The following RAPGEF6 variants were observed in gnomAD, a reference collection of about 807,000 sequenced individuals.
The protein encoded by RAPGEF6 is PDZ domain containing guanine nucleotide exchange factor (GEF) 2.
In RAPGEF6, 56 loss-of-function variants were observed where a neutral mutation model predicts 171.4. That is an observed-to-expected ratio of 0.33 (90% CI 0.26 to 0.41). The LOEUF is 0.41. Among genes scored for constraint, RAPGEF6 ranks in the 10% least tolerant of loss-of-function variants. The probability of loss-of-function intolerance (pLI) is 1.00; values close to 1 mark genes in which losing one functional copy is unlikely to be tolerated. For missense variants in RAPGEF6, 1,674 were observed against 1,921.4 expected (o/e 0.87, Z 2.41); for synonymous variants, 692 against 650.1 (o/e 1.06, Z -0.98).
At chr5:131,570,932 T>A (rs1762240770) in intron 4 of RAPGEF6, among the ~76,000 whole-genome samples, 1 of 147,782 alleles carries the variant, frequency 6.8e-6, no homozygotes, top group African/African-American at 2.5e-5. Flanking sequence ...CACGTCTTCA[T>A]CCCCAACTAC....
chr5:131,596,416 A>C, intron 3 of RAPGEF6, among the ~76,000 whole-genome samples: 1 of 151,068 alleles, frequency 6.6e-6, no homozygotes. Flanking sequence ...ACACACCCCA[A>C]ACACTGGAGT....
chr5:131,565,954 T>TGC (rs1487667683), intron 4 of RAPGEF6, among the ~76,000 whole-genome samples: 1 of 152,102 alleles, frequency 6.6e-6, no homozygotes, highest in Non-Finnish European at 1.5e-5. Flanking sequence ...AAGACCAGCC[T>TGC]GTCCAACATG....
chr5:131,594,952 TC>T (rs1337254617), intron 3 of RAPGEF6, among the ~76,000 whole-genome samples: 1 of 152,206 alleles, frequency 6.6e-6, no homozygotes, highest in African/African-American at 2.4e-5. Flanking sequence ...GGAAGGGACT[TC>T]CCATGTCTCA....
intron 4 of RAPGEF6, among the ~76,000 whole-genome samples, chr5:131,568,291 T>A (rs903245847): frequency 1.3e-5 from 2 of 152,018 alleles, no homozygotes; most frequent in African/African-American, 4.8e-5. Context: ...TTGTTTAGTA[T>A]CCCATTTTAA....
intron 4 of RAPGEF6, among the ~76,000 whole-genome samples, chr5:131,577,896 C>T (rs995621861): frequency 1.3e-5 from 2 of 152,172 alleles, no homozygotes; most frequent in Non-Finnish European, 1.5e-5. Context: ...TTCGTCCTTA[C>T]CCTACTTTTT....
chr5:131,462,645 T>A (rs1754014207), intron 18 of RAPGEF6, among the ~76,000 whole-genome samples: 1 of 152,218 alleles, frequency 6.6e-6, no homozygotes, highest in Non-Finnish European at 1.5e-5. Flanking sequence ...TTCCAGCAAG[T>A]GGCACTTATC....
chr5:131,466,726 G>A (rs1366608819), intron 17 of RAPGEF6, among the ~76,000 whole-genome samples: 1 of 152,186 alleles, frequency 6.6e-6, no homozygotes, highest in African/African-American at 2.4e-5. Context: ...AACTGCGAGT[G>A]CATTAAACCT....
chr5:131,520,234 C>T (rs1031179941), intron 7 of RAPGEF6, among the ~76,000 whole-genome samples: 2 of 152,140 alleles, frequency 1.3e-5, no homozygotes, highest in African/African-American at 2.4e-5. Context: ...ACTATTTCTA[C>T]AATTCTTAGT....
chr5:131,578,991 G>A (rs974042463), intron 4 of RAPGEF6, among the ~76,000 whole-genome samples: 6 of 152,166 alleles, frequency 3.9e-5, no homozygotes, highest in Admixed American at 2.0e-4. Context: ...GACCCTCGTA[G>A]TGAGTGTTAC....
At chr5:131,474,996 ATACAAATTAAGATG>A in intron 16 of RAPGEF6, among the ~76,000 whole-genome samples, 1 of 152,362 alleles carries the variant, frequency 6.6e-6, no homozygotes, top group South Asian at 2.1e-4. Flanking sequence ...CTGAATCACT[ATACAAATTAAGATG>A]TACAGAAAAT....
intron 6 of RAPGEF6, among the ~76,000 whole-genome samples, chr5:131,534,554 C>G (rs1248354029): frequency 6.7e-6 from 1 of 149,266 alleles, no homozygotes; most frequent in East Asian, 2.0e-4. Flanking sequence ...GACTAGTTTT[C>G]TAAACATAAA....
At chr5:131,456,058 G>T in intron 19 of RAPGEF6, 46 bp from the exon 20 acceptor site, 1 of 1,504,190 alleles carries the variant, frequency 6.6e-7, no homozygotes. Context: ...CTTGGGGAAA[G>T]GGGTGGACTC....
intron 1 of RAPGEF6, among the ~76,000 whole-genome samples, chr5:131,610,532 G>C (rs1764874112): frequency 6.6e-6 from 1 of 152,134 alleles, no homozygotes; most frequent in Non-Finnish European, 1.5e-5. Flanking sequence ...ACTGTAAACG[G>C]ATATATATCC....
intron 6 of RAPGEF6, among the ~76,000 whole-genome samples, chr5:131,528,315 A>ATATATATATTTATATAT (rs1759098877): frequency 1.7e-4 from 1 of 5,936 alleles, no homozygotes; most frequent in Non-Finnish European, 8.0e-4. Context: ...TATTTATATT[A>ATATATATATTTATATAT]TATATATATA....
At chr5:131,633,825 A>G (rs1766464597) in intron 1 of RAPGEF6, among the ~76,000 whole-genome samples, 1 of 152,246 alleles carries the variant, frequency 6.6e-6, no homozygotes, top group Non-Finnish European at 1.5e-5. Flanking sequence ...TAAAGGCTGT[A>G]AGATAATTCG....
At chr5:131,487,016 T>A (rs1755940114) in intron 15 of RAPGEF6, among the ~76,000 whole-genome samples, 2 of 152,162 alleles carry the variant, frequency 1.3e-5, no homozygotes, top group African/African-American at 4.8e-5. Flanking sequence ...GAATGGTTTG[T>A]TCTAGTATTG....
chr5:131,454,997 G>C (rs966074187), intron 20 of RAPGEF6, among the ~76,000 whole-genome samples: 2 of 152,064 alleles, frequency 1.3e-5, no homozygotes, highest in African/African-American at 4.8e-5. Context: ...TGAAGTAAAG[G>C]CATTTTCAGA....
intron 18 of RAPGEF6, chr5:131,463,536 G>A (rs559404702): frequency 8.5e-4 from 237 of 278,080 alleles, no homozygotes; most frequent in African/African-American, 5.8e-3. Context: ...CTGAGATCGC[G>A]CCACTGCACT....
chr5:131,565,205 A>T lies in RAPGEF6; in HGVS notation c.282-3158T>A, dbSNP rs150594062. Among the ~76,000 whole-genome samples the T allele has an allele frequency of 3.7e-3, 570 of 152,228 alleles. 4 individuals are homozygous for T. The highest frequency in any genetic ancestry group is 0.013 in the African/African-American group (540 of 41,506). On this transcript the variant is annotated intron_variant, in intron 4 of 27. Coordinates refer to ENST00000509018, the MANE Select transcript of RAPGEF6 (RefSeq NM_016340.6). ...TAGCAAGATTGAATAATAAAAGCGC[A>T]ATACCCAAAAATCAATTGTTTTATT...
Sources: allele counts gnomAD v4.1 joint callset (sites outside exome capture counted in the v4.1 genomes callset), GRCh38; gene constraint gnomAD v4.1.1; transcripts MANE v1.5; gene names NCBI Gene and HGNC (gene_info 2026-07-23, HGNC 2026-07-21).